Variants in PAK3 observed in about 807,000 individuals in gnomAD.
PAK3 encodes serine/threonine-protein kinase PAK 3.
Under a neutral mutation model 41.0 loss-of-function variants are expected in PAK3, and 4 were observed. The ratio of observed to expected loss-of-function variants is 0.10; its 90% CI spans 0.05 to 0.22. The LOEUF is 0.22. Ranked by LOEUF, PAK3 falls within the 10% of genes least tolerant of loss-of-function variation. The pLI is 1.00. For synonymous variants in PAK3, 146 were observed against 139.6 expected, an observed-to-expected ratio of 1.05 and a Z score of -0.32; for missense variants, 205 against 409.9, an observed-to-expected ratio of 0.50 and a Z score of 4.32.
intron 1 of PAK3, among the ~76,000 whole-genome samples, chrX:111,089,875 T>C (rs1394584181): frequency 1.8e-5 from 2 of 111,030 alleles, no homozygotes; most frequent in African/African-American, 6.6e-5. Flanking sequence ...GTATATTTTC[T>C]CTTCCCAACT....
chrX:111,115,808 C>G (rs758496747), intron 4 of PAK3, among the ~76,000 whole-genome samples: 1 of 111,112 alleles, frequency 9.0e-6, no homozygotes, highest in East Asian at 2.8e-4. Flanking sequence ...ATCTCCATTG[C>G]CCCAGGTAGC....
chrX:111,001,887 A>G (rs938619386), intron 1 of PAK3, among the ~76,000 whole-genome samples: 2 of 110,457 alleles, frequency 1.8e-5, no homozygotes, highest in Non-Finnish European at 3.8e-5. Context: ...GGTGACAGCA[A>G]TGTTGTTTTA....
chrX:111,029,956 A>G (rs1175866078), intron 1 of PAK3, among the ~76,000 whole-genome samples: 1 of 112,240 alleles, frequency 8.9e-6, no homozygotes, highest in Non-Finnish European at 1.9e-5. Flanking sequence ...CACTACAAGA[A>G]CAACAGGAGG....
chrX:111,043,320 G>A (rs1229580639), intron 1 of PAK3, among the ~76,000 whole-genome samples: 2 of 110,119 alleles, frequency 1.8e-5, no homozygotes, highest in African/African-American at 6.6e-5. Flanking sequence ...ATTAAAAGCT[G>A]TAAGCAGAGG....
At chrX:110,950,632 A>G (rs2090722305) in intron 1 of PAK3, among the ~76,000 whole-genome samples, 1 of 111,596 alleles carries the variant, frequency 9.0e-6, no homozygotes, top group Non-Finnish European at 1.9e-5. Context: ...TGTGTATTTT[A>G]TTCTTATAAA....
chrX:111,071,613 TAG>T (rs1313488611), intron 1 of PAK3, among the ~76,000 whole-genome samples: 1 of 112,204 alleles, frequency 8.9e-6, no homozygotes, highest in African/African-American at 3.2e-5. Context: ...TCATCTCTAG[TAG>T]AGTCTCAAAA....
chrX:111,088,294 T>C (rs1252866066), intron 1 of PAK3, among the ~76,000 whole-genome samples: 1 of 111,877 alleles, frequency 8.9e-6, no homozygotes, highest in Non-Finnish European at 1.9e-5. Context: ...AAACTGAGGT[T>C]CAGAGGGACT....
At chrX:111,145,285 G>A (rs1191145822) in intron 6 of PAK3, among the ~76,000 whole-genome samples, 1 of 112,320 alleles carries the variant, frequency 8.9e-6, no homozygotes, top group Admixed American at 9.4e-5. Context: ...CAGCAGTGTA[G>A]TCATGTGGTA....
At chrX:111,140,728 A>G (rs973930234) in intron 5 of PAK3, among the ~76,000 whole-genome samples, 2 of 111,246 alleles carry the variant, frequency 1.8e-5, no homozygotes, top group Admixed American at 9.6e-5. Context: ...CCTGCTCCCA[A>G]CCTTTCTTTC....
Position 111,142,090 on chromosome X carries a change from CT to C in PAK3, c.176-3del. On this transcript the variant is annotated splice_polypyrimidine_tract_variant and splice_region_variant and intron_variant, in intron 5 of 17. Transcript: ENST00000372007. ...AAATAAATACATGTTAACATTTTGC[CT>C]TTAGCCAATAAGAAGAAGGAGAAAG... 1 of 1,129,727 alleles carries C rather than the reference CT, an allele frequency of 8.9e-7. No individual in the cohort carries two copies. Among genetic ancestry groups the C allele is most frequent in the Non-Finnish European group, 1.2e-6 (1 of 820,963 alleles). The allele number at this position is 1,129,727 out of a possible 1,213,427, so 93.1% of individuals were successfully genotyped here. A position where few individuals can be genotyped will look rare whatever the true frequency, so the allele number is the denominator to read the frequency against.
intron 1 of PAK3, among the ~76,000 whole-genome samples, chrX:111,088,431 T>C (rs1314274437): frequency 1.8e-5 from 2 of 111,962 alleles, no homozygotes; most frequent in Non-Finnish European, 3.8e-5. Context: ...TTTGTCCTTG[T>C]ATCCAGTACC....
intron 1 of PAK3, among the ~76,000 whole-genome samples, chrX:111,036,626 T>C (rs1421625116): frequency 8.0e-5 from 9 of 112,334 alleles, no homozygotes; most frequent in Admixed American, 5.6e-4. Flanking sequence ...GAGATTATTA[T>C]ATCAAGGTGA....
chrX:111,027,047 A>G (rs2092279678), intron 1 of PAK3, among the ~76,000 whole-genome samples: 1 of 111,720 alleles, frequency 9.0e-6, no homozygotes, highest in Admixed American at 9.5e-5. Flanking sequence ...AAACAAAACC[A>G]TAAAGTGAGG....
intron 1 of PAK3, among the ~76,000 whole-genome samples, chrX:110,978,060 T>C (rs1350519854): frequency 8.9e-6 from 1 of 112,135 alleles, no homozygotes; most frequent in East Asian, 2.8e-4. Context: ...ATTTCCTTCC[T>C]ATCTGTAGCT....
chrX:111,160,669 A>C (rs1470833656), intron 8 of PAK3, among the ~76,000 whole-genome samples: 4 of 107,092 alleles, frequency 3.7e-5, no homozygotes, highest in Non-Finnish European at 5.8e-5. Flanking sequence ...TCCTGTGTCC[A>C]TGTGTTCTCA....
chrX:110,956,172 C>T (rs1221510038), intron 1 of PAK3, among the ~76,000 whole-genome samples: 1 of 112,068 alleles, frequency 8.9e-6, no homozygotes, highest in Non-Finnish European at 1.9e-5. Flanking sequence ...GGTTTGGATC[C>T]TGGCTCAGGC....
chrX:111,175,455 T>C (rs2094395117), intron 11 of PAK3, among the ~76,000 whole-genome samples: 2 of 112,274 alleles, frequency 1.8e-5, no homozygotes, highest in South Asian at 7.4e-4. Context: ...TTAAAAACTT[T>C]ATGTAACTCT....
intron 1 of PAK3, among the ~76,000 whole-genome samples, chrX:111,055,912 G>A (rs2092601403): frequency 9.0e-6 from 1 of 111,561 alleles, no homozygotes; most frequent in Non-Finnish European, 1.9e-5. Context: ...ATGGTCCCAT[G>A]CCTCACATTC....
intron 17 of PAK3, among the ~76,000 whole-genome samples, chrX:111,219,226 T>G (rs1363559131): frequency 3.0e-5 from 3 of 99,426 alleles, no homozygotes; most frequent in South Asian, 4.2e-4. Context: ...ATAATAATAA[T>G]AATAATAATA....
Sources: allele counts gnomAD v4.1 joint callset (sites outside exome capture counted in the v4.1 genomes callset), GRCh38; gene constraint gnomAD v4.1.1; transcripts MANE v1.5; gene names NCBI Gene and HGNC (gene_info 2026-07-23, HGNC 2026-07-21).